The following GREB1 variants were observed in gnomAD, a reference collection of about 807,000 sequenced individuals.
The protein encoded by GREB1 is protein GREB1.
A neutral mutation model predicts 200.7 loss-of-function variants in GREB1; 106 were observed. The ratio of observed to expected loss-of-function variants is 0.53; its 90% CI spans 0.45 to 0.62. GREB1 has a LOEUF of 0.62. GREB1 is among the 20% of genes least tolerant of loss of function. The pLI, the probability that GREB1 is intolerant of heterozygous loss-of-function variation, is 0.00. For synonymous variants in GREB1, 1,132 were observed against 1,092.4 expected (o/e 1.04, Z -0.72); for missense variants, 2,243 against 2,556.8 (o/e 0.88, Z 2.65).
At chr2:11,588,287 C>T (rs1188319103) in intron 9 of GREB1, 15 of 1,086,524 alleles carry the variant, frequency 1.4e-5, no homozygotes, top group African/African-American at 3.3e-5. Context: ...TGTCCCAACT[C>T]ACCTTGCCAG....
intron 1 of GREB1, among the ~76,000 whole-genome samples, chr2:11,550,041 C>A (rs1270131315): frequency 6.6e-6 from 1 of 152,094 alleles, no homozygotes; most frequent in Non-Finnish European, 1.5e-5. Flanking sequence ...CAACATAATG[C>A]AACCCCATTT....
intron 1 of GREB1, among the ~76,000 whole-genome samples, chr2:11,518,415 C>T (rs1180204706): frequency 6.6e-6 from 1 of 151,764 alleles, no homozygotes; most frequent in Non-Finnish European, 1.5e-5. Flanking sequence ...TGGAGCTTGT[C>T]ATTGTATCTC....
At chr2:11,515,485 C>CT (rs1313319873) in intron 1 of GREB1, among the ~76,000 whole-genome samples, 1 of 152,228 alleles carries the variant, frequency 6.6e-6, no homozygotes, top group African/African-American at 2.4e-5. Context: ...ACCTCCCACT[C>CT]TGTCTTTTTC....
rs1469707242 is a variant in GREB1, at chr2:11,625,271, C to T, written c.4265C>T (p.Ala1422Val). 2.5e-6 allele frequency: 4 copies of T among 1,614,154 alleles called. No individual in the cohort carries two copies. The highest frequency in any genetic ancestry group is 3.4e-6 in the Non-Finnish European group (4 of 1,179,996). ...YIIHDPKYEDASLICSHYQGI... is the reference protein window; with the variant it reads ...YIIHDPKYEDVSLICSHYQGI... ...ATTCACGACCCGAAGTATGAAGATG[C>T]CAGCCTGATTTGTTCGCACTATCAG... is the stretch of plus-strand genomic sequence containing the variant. Residue 1422 changes from alanine to valine, a missense_variant, in exon 24 of 33, where the codon GCC (alanine) becomes GTC (valine). Transcript: ENST00000381486.
rs376190688 is a variant in GREB1, at chr2:11,618,933, G to A, written c.4044+14G>A. On this transcript the variant is annotated intron_variant, in intron 22 of 32. Coordinates refer to ENST00000381486, the MANE Select transcript of GREB1 (RefSeq NM_014668.4). ...GGCCCCCCTCAGGTGAGTGTTGCTC[G>A]CTGCCCCAGCACAGCCCCGGACTGG... is the stretch of plus-strand genomic sequence containing the variant. 4.9e-5 allele frequency: 72 copies of A among 1,483,298 alleles called. 1 individual carries two copies. The highest frequency in any genetic ancestry group is 1.8e-4 in the Middle Eastern group (1 of 5,660). 91.9% of individuals were successfully genotyped at this position (1,483,298 alleles called of 1,614,324 possible). A position where few individuals can be genotyped will look rare whatever the true frequency, so the allele number is the denominator to read the frequency against.
chr2:11,553,004 C>T (rs1252471507), intron 1 of GREB1, among the ~76,000 whole-genome samples: 47 of 113,742 alleles, frequency 4.1e-4, no homozygotes, highest in Middle Eastern at 0.01. Context: ...AGCGAAACTC[C>T]GTCTCAAAAA....
At chr2:11,558,954 C>G (rs1676706096) in intron 2 of GREB1, among the ~76,000 whole-genome samples, 1 of 152,038 alleles carries the variant, frequency 6.6e-6, no homozygotes, top group South Asian at 2.1e-4. Flanking sequence ...GGGAAAAACC[C>G]TTACACATTC....
In GREB1 at chr2:11,538,679, TTCTTTCTTTCCTTCCTC is replaced by T. The variant is rs1558510917; in HGVS notation, c.-162+4426_-162+4442del. ...TTTCTTTCTTTCTTTCTTTCTTTCT[TTCTTTCTTTCCTTCCTC>T]CCTCCCTCCCTCCCTTCCTCCCTCC... On this transcript the variant is annotated intron_variant, in intron 1 of 32. Transcript: ENST00000381486. 3.1e-3 allele frequency among the ~76,000 whole-genome samples: 305 copies of T among 98,334 alleles called. 15 individuals are homozygous for T. Among genetic ancestry groups the T allele is most frequent in the African/African-American group, 0.011 (275 of 25,796 alleles). The allele number at this position is 98,334 out of a possible 152,430, so 64.5% of individuals were successfully genotyped here. A position where few individuals can be genotyped will look rare whatever the true frequency, so the allele number is the denominator to read the frequency against.
At chr2:11,561,370 T>A (rs1465333888) in intron 2 of GREB1, 1 of 150,862 alleles carries the variant, frequency 6.6e-6, no homozygotes, top group Admixed American at 6.6e-5. Flanking sequence ...TATTTTTTTT[T>A]TTTTTTTTTT....
In GREB1 at chr2:11,605,144, CTTTTTTTTTT is replaced by C. The variant is rs3035991; in HGVS notation, c.2666+2625_2666+2634del. 6.0e-4 allele frequency among the ~76,000 whole-genome samples: 27 copies of C among 44,826 alleles called. 1 individual carries two copies. The highest frequency in any genetic ancestry group is 2.5e-3 in the Admixed American group (6 of 2,420). The allele number at this position is 44,826 out of a possible 152,430, so 29.4% of individuals were successfully genotyped here. A position where few individuals can be genotyped will look rare whatever the true frequency, so the allele number is the denominator to read the frequency against. ...TGGAGCTGGGCACCAGAGCCTGCTT[CTTTTTTTTTT>C]TTTTTTTTTTTTTTTTTTTTTTACG... On this transcript the variant is annotated intron_variant, in intron 17 of 32. Coordinates refer to ENST00000381486, the MANE Select transcript of GREB1 (RefSeq NM_014668.4).
At chr2:11,526,758 A>T (rs899846072) in intron 1 of GREB1, among the ~76,000 whole-genome samples, 3 of 151,940 alleles carry the variant, frequency 2.0e-5, no homozygotes, top group African/African-American at 7.3e-5. Flanking sequence ...GAGTTTCCCC[A>T]TGTTGGCCAG....
At chr2:11,508,960 C>G (rs1324690669) in intron 1 of GREB1, among the ~76,000 whole-genome samples, 1 of 150,896 alleles carries the variant, frequency 6.6e-6, no homozygotes, top group African/African-American at 2.4e-5. Context: ...CTGCAAGCTC[C>G]GCCTCCCGGG....
chr2:11,629,278 C>T lies in GREB1; in HGVS notation c.4450-670C>T, dbSNP rs372315854. On this transcript the variant is annotated intron_variant, in intron 25 of 32. Coordinates refer to ENST00000381486, the MANE Select transcript of GREB1 (RefSeq NM_014668.4). The surrounding 1 kb of genome is among the most constrained non-coding windows in gnomAD (Gnocchi z 5.2). ...GACGTTCAAGCTGAGGGCAAAGCTG[C>T]GCTGGAGGTCACACCCAGAGCAGCA... is the stretch of plus-strand genomic sequence containing the variant. 2.0e-5 allele frequency among the ~76,000 whole-genome samples: 3 copies of T among 152,100 alleles called. No homozygotes were observed. The highest frequency in any genetic ancestry group is 7.2e-5 in the African/African-American group (3 of 41,418).
intron 1 of GREB1, among the ~76,000 whole-genome samples, chr2:11,510,967 C>T (rs1307670190): frequency 6.6e-6 from 1 of 152,184 alleles, no homozygotes; most frequent in African/African-American, 2.4e-5. Flanking sequence ...GCCACCATGC[C>T]TGGCCAATTA....
chr2:11,538,557 G>A (rs913311977), intron 1 of GREB1, among the ~76,000 whole-genome samples: 2 of 152,074 alleles, frequency 1.3e-5, no homozygotes, highest in African/African-American at 2.4e-5. Flanking sequence ...TCCTGGATTC[G>A]TAAGAGTCAA....
At chr2:11,638,165 AG>A (rs1685533613) in intron 31 of GREB1, among the ~76,000 whole-genome samples, 1 of 152,046 alleles carries the variant, frequency 6.6e-6, no homozygotes, top group Non-Finnish European at 1.5e-5. Flanking sequence ...TTTGAGATGG[AG>A]TTTCACTTTT....
In GREB1 at chr2:11,597,813, T is replaced by C. The variant is rs757568558; in HGVS notation, c.1987T>C (p.Phe663Leu). The stretch of plus-strand genomic sequence containing the variant: ...TCTGGAGCCACACAGCATCCGGCCC[T>C]TCCAGCTGGCAGTAGCGCAGAAGCT... Reference protein sequence around the residue: ...YNLEPHSIRPFQLAVAQKLLS... With the variant: ...YNLEPHSIRPLQLAVAQKLLS... The change falls in exon 14 of 33, where the codon TTC becomes CTC. Residue 663 changes from phenylalanine to leucine, a missense_variant. This residue lies in a region of GREB1 where 1,178 missense variants were observed against 1,387.4 expected (regional missense o/e 0.85). Transcript: ENST00000381486. This position sits in a 1 kb window ranked among gnomAD's most constrained non-coding sequence, Gnocchi z 4.1. 6.2e-7 allele frequency: 1 copy of C among 1,614,200 alleles called. No homozygotes were observed. Among genetic ancestry groups the C allele is most frequent in the East Asian group, 2.2e-5 (1 of 44,882 alleles).
intron 9 of GREB1, chr2:11,588,299 C>T: frequency 9.2e-7 from 1 of 1,088,858 alleles, no homozygotes. Context: ...CCTTGCCAGA[C>T]AGCCCTGGGA....
rs3792029 is a variant in GREB1, at chr2:11,641,324, G to C, written c.*870G>C. 8,974 of 152,230 alleles carry C rather than the reference G, an allele frequency of 0.059. 451 individuals are homozygous for C. The highest frequency in any genetic ancestry group is 0.21 in the East Asian group (1,103 of 5,170). The allele number at this position is 152,230 out of a possible 1,614,324, so 9.4% of individuals were successfully genotyped here. A position where few individuals can be genotyped will look rare whatever the true frequency, so the allele number is the denominator to read the frequency against. ...GTTTACTAGAGTTTAGTTTTCAGTT[G>C]CTGAAGTAGCTCATTTTCTCTTACT... On this transcript the variant is annotated 3_prime_UTR_variant, in exon 33 of 33. Coordinates refer to ENST00000381486, the MANE Select transcript of GREB1 (RefSeq NM_014668.4).
Sources: allele counts gnomAD v4.1 joint callset (sites outside exome capture counted in the v4.1 genomes callset), GRCh38; gene constraint gnomAD v4.1.1; regional missense constraint gnomAD v4.1.1; non-coding constraint Gnocchi (gnomAD v3.1); transcripts MANE v1.5; gene names NCBI Gene and HGNC (gene_info 2026-07-23, HGNC 2026-07-21).